The following AP3D1 variants were observed in gnomAD, a reference collection of about 807,000 sequenced individuals.
AP3D1 encodes the protein AP-3 complex subunit delta-1.
AP3D1 carries 51 observed loss-of-function variants against 147.6 expected under a neutral mutation model. That is an observed-to-expected ratio of 0.35 (90% confidence interval 0.28 to 0.44). The LOEUF (loss-of-function observed/expected upper bound fraction) is 0.44, where lower values mean the gene tolerates loss of function less well. Ranked by LOEUF, AP3D1 falls within the 20% of genes least tolerant of loss-of-function variation. The pLI, the probability that AP3D1 is intolerant of heterozygous loss-of-function variation, is 1.00. For synonymous variants in AP3D1, 760 were observed against 663.0 expected, an observed-to-expected ratio of 1.15 and a Z score of -2.25; for missense variants, 1,421 against 1,624.2, an observed-to-expected ratio of 0.87 and a Z score of 2.15.
intron 29 of AP3D1, chr19:2,109,583 C>A: frequency 2.0e-6 from 1 of 509,474 alleles, no homozygotes; most frequent in Non-Finnish European, 3.5e-6. Context: ...CGAGGAGAGG[C>A]TTCAGGAGGA....
intron 25 of AP3D1, 104 bp from the exon 26 acceptor site, chr19:2,111,436 A>C (rs1320624615): frequency 6.9e-7 from 1 of 1,440,100 alleles, no homozygotes; most frequent in Non-Finnish European, 9.6e-7. Context: ...GACTCCAAGA[A>C]TGCTTGGGGC....
rs368319497 is a variant in AP3D1 at position 2,114,745 on chromosome 19, C to T, written c.2423+3G>A. ...CCCTCACCCTGAACCCATATGGACT[C>T]ACTTATCCAGGTCAATATCCAGAGC... On this transcript the variant is annotated splice_donor_region_variant and intron_variant, in intron 21 of 31. Coordinates refer to ENST00000643116, the MANE Select transcript of AP3D1 (RefSeq NM_001261826.3). 6.2e-7 allele frequency: 1 copy of T among 1,611,382 alleles called. No individual in the cohort carries two copies. Among genetic ancestry groups the T allele is most frequent in the Admixed American group, 1.7e-5 (1 of 59,914 alleles).
intron 1 of AP3D1, among the ~76,000 whole-genome samples, chr19:2,150,709 G>A (rs1269110777): frequency 6.6e-6 from 1 of 152,242 alleles, no homozygotes; most frequent in Admixed American, 6.5e-5. Context: ...GAAGGAAGAA[G>A]GAGTTTCTCC....
At chr19:2,140,922 C>T (rs931358535) in intron 1 of AP3D1, among the ~76,000 whole-genome samples, 1 of 152,008 alleles carries the variant, frequency 6.6e-6, no homozygotes, top group Non-Finnish European at 1.5e-5. Flanking sequence ...CCATGCCCAG[C>T]TAATTCTTGT....
chr19:2,129,214 G>T (rs775863432), intron 7 of AP3D1, 51 bp from the exon 8 acceptor site: 3 of 1,608,798 alleles, frequency 1.9e-6, no homozygotes, highest in Non-Finnish European at 2.5e-6. Flanking sequence ...CCCACGCAGG[G>T]TGAGGGACAG....
intron 9 of AP3D1, among the ~76,000 whole-genome samples, 160 bp from the exon 10 acceptor site, chr19:2,124,039 C>A (rs1207404766): frequency 6.6e-6 from 1 of 152,240 alleles, no homozygotes; most frequent in Non-Finnish European, 1.5e-5. Context: ...ACTGTGTTTG[C>A]AAAAACCTAG....
chr19:2,160,507 C>T (rs1013722229), intron 1 of AP3D1, among the ~76,000 whole-genome samples: 3 of 151,932 alleles, frequency 2.0e-5, no homozygotes, highest in South Asian at 2.1e-4. Flanking sequence ...GCACTTTAGC[C>T]TAATGACAGA....
intron 9 of AP3D1, among the ~76,000 whole-genome samples, chr19:2,125,218 A>G (rs2018720345): frequency 6.6e-6 from 1 of 152,252 alleles, no homozygotes. Context: ...AAATGTAAAT[A>G]CGAACGAAGA....
In AP3D1 at chr19:2,163,927, C is replaced by G. The variant is rs1228820894; in HGVS notation, c.-103+429G>C. Among the ~76,000 whole-genome samples, 4 of 149,686 alleles carry G rather than the reference C, an allele frequency of 2.7e-5. No homozygotes were observed. The East Asian group carries it at 7.8e-4, about 29-fold the overall frequency. ...GGGGCGAGTGGTTCCGCCCGGCCCC[C>G]GGCTCATTGTGCTCGCTTCACGCCG... On this transcript the variant is annotated intron_variant, in intron 1 of 14. Coordinates refer to the AP3D1 transcript ENST00000643010.
In AP3D1 at chr19:2,141,374, C is replaced by G. The variant is rs555495102; in HGVS notation, c.97-2660G>C. ...GCGTATTTCCTTTATACACTAAGTC[C>G]TCAGGACTGCAGTAAGACAGGCCAT... On this transcript the variant is annotated intron_variant, in intron 1 of 31. Transcript: ENST00000643116. 4.0e-5 allele frequency among the ~76,000 whole-genome samples: 6 copies of G among 151,540 alleles called. 1 individual carries two copies. In the South Asian group the frequency reaches 1.3e-3, roughly 32 times the overall value.
At chr19:2,115,763 G>A (rs753371906) in intron 18 of AP3D1, 150 bp from the exon 19 acceptor site, 12 of 792,958 alleles carry the variant, frequency 1.5e-5, no homozygotes, top group Non-Finnish European at 2.2e-5. Flanking sequence ...AGCGCCGTGA[G>A]CGAGCGCATC....
chr19:2,143,792 G>C (rs940844893), intron 1 of AP3D1, among the ~76,000 whole-genome samples: 6 of 151,436 alleles, frequency 4.0e-5, no homozygotes, highest in African/African-American at 1.5e-4. Flanking sequence ...GGAAATAAAT[G>C]AAAGTGCTGC....
rs1568311673 is a variant in AP3D1 at position 2,151,260 on chromosome 19, G to A, written c.75C>T (p.Ile25=). 2 of 1,611,814 alleles carry A rather than the reference G, an allele frequency of 1.2e-6. No homozygotes were observed. The highest frequency in any genetic ancestry group is 1.7e-6 in the Non-Finnish European group (2 of 1,178,920). Residue 25 remains isoleucine (I), a synonymous_variant, in exon 1 of 32, where the codon ATC becomes ATT. Transcript: ENST00000643116. ...DKNLQDLVRG[I]RNHKEDEAKY... ...TCACCTCGTCCTCCTTGTGGTTACG[G>A]ATGCCGCGGACCAAGTCCTGCAGAT...
chr19:2,106,697 T>C (rs10413398), intron 31 of AP3D1, among the ~76,000 whole-genome samples: 45,777 of 152,082 alleles, frequency 0.3, 7,923 homozygotes, highest in African/African-American at 0.47. Context: ...GGTCCATCTG[T>C]ACAACAAAAT....
chr19:2,101,629 G>C lies in AP3D1; in HGVS notation c.*544C>G, dbSNP rs1015748676. 6.6e-6 allele frequency: 1 copy of C among 152,658 alleles called. No individual in the cohort carries two copies. The highest frequency in any genetic ancestry group is 2.4e-5 in the African/African-American group (1 of 41,476). The allele number at this position is 152,658 out of a possible 1,614,324, so 9.5% of individuals were successfully genotyped here. A position where few individuals can be genotyped will look rare whatever the true frequency, so the allele number is the denominator to read the frequency against. On this transcript the variant is annotated 3_prime_UTR_variant, in exon 32 of 32. Coordinates refer to ENST00000643116, the MANE Select transcript of AP3D1 (RefSeq NM_001261826.3). Reference sequence around the variant, plus strand: ...CTGGGATCCCAAGACCCAGTCACCAGCCCACGAGCACACTGACAATGGACA... The same window carrying C: ...CTGGGATCCCAAGACCCAGTCACCACCCCACGAGCACACTGACAATGGACA...
At chr19:2,111,937 G>C in intron 24 of AP3D1, 109 bp from the exon 25 acceptor site, 1 of 1,536,328 alleles carries the variant, frequency 6.5e-7, no homozygotes, top group Non-Finnish European at 8.8e-7. Context: ...GGTCCCACGT[G>C]CCTGGGTGGG....
intron 29 of AP3D1, 135 bp downstream of exon 29, chr19:2,109,738 A>G: frequency 1.2e-6 from 1 of 824,104 alleles, no homozygotes; most frequent in South Asian, 1.5e-5. Flanking sequence ...GACCTGCACC[A>G]GTCACGAGCC....
intron 1 of AP3D1, 149 bp downstream of exon 1, chr19:2,151,090 C>T (rs2019495807): frequency 2.9e-6 from 2 of 700,026 alleles, no homozygotes; most frequent in East Asian, 3.3e-5. Context: ...GCCCCAGGCC[C>T]AGGCCAGGCA....
intron 9 of AP3D1, 84 bp from the exon 10 acceptor site, chr19:2,123,963 C>G: frequency 1.4e-6 from 2 of 1,445,980 alleles, no homozygotes; most frequent in South Asian, 2.4e-5. Context: ...CACCAGCACC[C>G]CCTCGCCGGG....
Sources: allele counts gnomAD v4.1 joint callset (sites outside exome capture counted in the v4.1 genomes callset), GRCh38; gene constraint gnomAD v4.1.1; transcripts MANE v1.5; gene names NCBI Gene and HGNC (gene_info 2026-07-23, HGNC 2026-07-21).